Variants in YIF1B observed in about 807,000 individuals in gnomAD.
The protein encoded by YIF1B is protein YIF1B.
In YIF1B, 24 loss-of-function variants were observed where a neutral mutation model predicts 34.6. The ratio of observed to expected loss-of-function variants is 0.69; its 90% CI spans 0.50 to 0.98. YIF1B has a LOEUF of 0.98. YIF1B is among the 50% of genes least tolerant of loss of function. The pLI is 0.00. For synonymous variants in YIF1B, 186 were observed against 184.8 expected, an observed-to-expected ratio of 1.01 and a Z score of -0.05; for missense variants, 368 against 429.4, an observed-to-expected ratio of 0.86 and a Z score of 1.26.
chr19:38,304,116 T>G lies in YIF1B; in HGVS notation c.*1236A>C. On this transcript the variant is annotated 3_prime_UTR_variant, in exon 8 of 8. Coordinates refer to ENST00000339413, the MANE Select transcript of YIF1B (RefSeq NM_001039672.3). ...GGAAATCCTGGGTGGTGCCGGGCAA[T>G]GAGTCAGGGCTGAGGACCAGGACAG... is the stretch of plus-strand genomic sequence containing the variant. 1.1e-6 allele frequency: 1 copy of G among 950,646 alleles called. No homozygotes were observed. Among genetic ancestry groups the G allele is most frequent in the Non-Finnish European group, 1.6e-6 (1 of 641,990 alleles). The allele number at this position is 950,646 out of a possible 1,614,324, so 58.9% of individuals were successfully genotyped here.
upstream of YIF1B, among the ~76,000 whole-genome samples, chr19:38,319,555 C>T (rs745935141): frequency 1.3e-5 from 2 of 152,192 alleles, no homozygotes; most frequent in Non-Finnish European, 2.9e-5. Context: ...ACCTTAGCTG[C>T]TGTGCGCGAT....
In YIF1B at chr19:38,309,502, G is replaced by A. The variant is rs759682525; in HGVS notation, c.200C>T (p.Thr67Met). 4.2e-5 allele frequency: 68 copies of A among 1,612,662 alleles called. No homozygotes were observed. In the East Asian group the frequency reaches 4.2e-4, roughly 10 times the overall value. ...GGLSYPAASP[T>M]PHAAFLADPV... The stretch of plus-strand genomic sequence containing the variant: ...GTCAGCCAGGAAGGCTGCATGGGGC[G>A]TGGGAGAGGCTGCAGGATAACTCAG... Residue 67 changes from threonine to methionine, a missense_variant, in exon 2 of 8, where the codon ACG becomes ATG. Transcript: ENST00000339413.
rs752567807 is a variant in YIF1B at position 38,307,512 on chromosome 19, G to A, written c.705C>T (p.Gly235=). ...FLGYKYVGMI[G]GVLMGLLFGK... ...CGAAGAGCAGGCCCATGAGGACCCC[G>A]CCAATCATCCTGGGGGAGGGAGAGG... The change falls in exon 7 of 8, where the codon GGC becomes GGT. Residue 235 remains glycine, a synonymous_variant. Transcript: ENST00000339413. 1.2e-5 allele frequency: 20 copies of A among 1,613,752 alleles called. No individual in the cohort carries two copies. In the Admixed American group the frequency reaches 2.3e-4, roughly 19 times the overall value.
rs1423620182 is a variant in YIF1B, at chr19:38,304,791, C to G, written c.*561G>C. ...GGTGCGGGGAGTGGTCCCCCTGTCT[C>G]GCTTCCAGCCCAGAACCATCTCTTC... On this transcript the variant is annotated 3_prime_UTR_variant, in exon 8 of 8. Coordinates refer to ENST00000339413, the MANE Select transcript of YIF1B (RefSeq NM_001039672.3). 1 of 1,612,714 alleles carries G rather than the reference C, an allele frequency of 6.2e-7. No individual in the cohort carries two copies. The highest frequency in any genetic ancestry group is 8.5e-7 in the Non-Finnish European group (1 of 1,179,340).
upstream of YIF1B, among the ~76,000 whole-genome samples, chr19:38,319,034 C>T (rs1302402155): frequency 6.6e-6 from 1 of 152,104 alleles, no homozygotes; most frequent in Non-Finnish European, 1.5e-5. Flanking sequence ...CCTCTGGACT[C>T]CCAGGGCCCT....
chr19:38,316,311 G>C (rs937901572), upstream of YIF1B, among the ~76,000 whole-genome samples: 1 of 151,674 alleles, frequency 6.6e-6, no homozygotes, highest in Non-Finnish European at 1.5e-5. Flanking sequence ...TTCGAGACTA[G>C]CCTGAGCAAC....
chr19:38,307,547 G>T, intron 6 of YIF1B, 26 bp from the exon 7 acceptor site: 1 of 1,613,846 alleles, frequency 6.2e-7, no homozygotes, highest in Non-Finnish European at 8.5e-7. Flanking sequence ...GAGGCTGTGT[G>T]AGGACAAGGC....
At chr19:38,320,039 G>A (rs1379730207), upstream of YIF1B, 2 of 1,501,634 alleles carry the variant, frequency 1.3e-6, no homozygotes, top group African/African-American at 1.5e-5. Context: ...CGGCTGGAGG[G>A]GCCGCACGAA....
In YIF1B at chr19:38,305,292, T is replaced by A. The variant is rs1417498533; in HGVS notation, c.*60A>T. On this transcript the variant is annotated 3_prime_UTR_variant, in exon 8 of 8. Transcript: ENST00000339413. ...TTGGGGCCTGCAGGCAGGAGATGAG[T>A]TCGGCGGCCACAGTGGCCCCCAGCA... 6.4e-7 allele frequency: 1 copy of A among 1,563,596 alleles called. No individual in the cohort carries two copies. The highest frequency in any genetic ancestry group is 1.3e-5 in the African/African-American group (1 of 74,322).
intron 1 of YIF1B, among the ~76,000 whole-genome samples, chr19:38,315,246 A>C (rs1969497077): frequency 7.6e-6 from 1 of 131,924 alleles, no homozygotes; most frequent in Non-Finnish European, 1.7e-5. Flanking sequence ...ACTAGGTCTC[A>C]AAAAAAAAAA....
intron 1 of YIF1B, among the ~76,000 whole-genome samples, chr19:38,314,461 G>A (rs929578174): frequency 3.3e-5 from 5 of 151,762 alleles, no homozygotes; most frequent in African/African-American, 1.2e-4. Flanking sequence ...CCAAAATCCT[G>A]GGATTATAGG....
Position 38,307,611 on chromosome 19 carries a change from G to A in YIF1B, c.681C>T (p.Gly227=). 1.2e-6 allele frequency: 2 copies of A among 1,613,856 alleles called. No homozygotes were observed. The highest frequency in any genetic ancestry group is 1.7e-6 in the Non-Finnish European group (2 of 1,180,004). The change falls in exon 6 of 8, where the codon GGC becomes GGT. Residue 227 remains glycine, a synonymous_variant. Coordinates refer to ENST00000339413, the MANE Select transcript of YIF1B (RefSeq NM_001039672.3). The part of the protein sequence containing the change: ...LTTIDLVAFL[G]YKYVGMIGGV... ...GGGGTACTCACCCGACATATTTGTA[G>A]CCCAAGAAGGCCACCAGGTCGATGG... is the stretch of plus-strand genomic sequence containing the variant.
chr19:38,307,255 C>T lies in YIF1B; in HGVS notation c.789+173G>A, dbSNP rs572829499. The T allele has an allele frequency of 1.7e-4, 109 of 658,488 alleles. 1 individual carries two copies. The South Asian group carries it at 1.9e-3, about 11-fold the overall frequency. The allele number at this position is 658,488 out of a possible 1,614,324, so 40.8% of individuals were successfully genotyped here. The stretch of plus-strand genomic sequence containing the variant: ...GTCTCCTCTTCCAGGGCTCAGGATA[C>T]CCCCTCTTCCAGGAAGCCCTCCTGA... On this transcript the variant is annotated intron_variant, in intron 7 of 7. Transcript: ENST00000339413.
chr19:38,307,089 C>G, intron 7 of YIF1B: 1 of 501,400 alleles, frequency 2.0e-6, no homozygotes, highest in Non-Finnish European at 4.0e-6. Context: ...ACCCCTGACT[C>G]CAGTGGGAAG....
At chr19:38,320,553 T>TC (rs1969639914), upstream of YIF1B, among the ~76,000 whole-genome samples, 1 of 151,760 alleles carries the variant, frequency 6.6e-6, no homozygotes, top group Admixed American at 6.6e-5. Flanking sequence ...GGTCTTTTTT[T>TC]TTTTTCTTTT....
At chr19:38,307,843 T>C in intron 5 of YIF1B, 91 bp from the exon 6 acceptor site, 1 of 1,518,198 alleles carries the variant, frequency 6.6e-7, no homozygotes, top group South Asian at 1.2e-5. Flanking sequence ...TGGGTAGGGC[T>C]GGACACCTGG....
At chr19:38,305,565 A>G in intron 7 of YIF1B, 58 bp from the exon 8 acceptor site, 2 of 1,538,680 alleles carry the variant, frequency 1.3e-6, no homozygotes, top group South Asian at 1.2e-5. Flanking sequence ...TCTGGGCCAG[A>G]GTGAGAGCCC....
upstream of YIF1B, among the ~76,000 whole-genome samples, chr19:38,318,128 G>A (rs1175593389): frequency 1.4e-5 from 2 of 146,228 alleles, no homozygotes; most frequent in Non-Finnish European, 3.0e-5. Context: ...AGGAGGCAGA[G>A]GTTGCAGCGA....
At chr19:38,314,383 T>TG (rs765695845) in intron 1 of YIF1B, among the ~76,000 whole-genome samples, 15 of 151,866 alleles carry the variant, frequency 9.9e-5, no homozygotes, top group African/African-American at 2.4e-4. Context: ...TTAGTAGAGA[T>TG]GGGGTCTCAC....
Sources: gnomAD v4.1 joint callset for allele counts (sites outside exome capture counted in the v4.1 genomes callset) on GRCh38, gnomAD v4.1.1 for gene constraint, MANE v1.5 for transcripts, NCBI Gene and HGNC (gene_info 2026-07-23, HGNC 2026-07-21) for gene names.